Variants in ACER3 observed in about 807,000 individuals in gnomAD.
ACER3 encodes alkaline ceramidase 3, also known as alkCDase 3.
ACER3 carries 16 observed loss-of-function variants against 48.9 expected under a neutral mutation model. The observed-to-expected ratio is 0.33, with a 90% CI of 0.22 to 0.50. The LOEUF is 0.50. ACER3 is among the 20% of genes least tolerant of loss of function. The pLI is 0.98. For missense variants in ACER3, 227 were observed against 326.0 expected, an observed-to-expected ratio of 0.70 and a Z score of 2.34; for synonymous variants, 109 against 107.8, an observed-to-expected ratio of 1.01 and a Z score of -0.07.
chr11:76,930,522 T>G (rs551200859), intron 2 of ACER3, among the ~76,000 whole-genome samples: 15 of 152,224 alleles, frequency 9.9e-5, no homozygotes, highest in South Asian at 8.3e-4. Flanking sequence ...TGAATGTGTT[T>G]GCTCTTGCTT....
intron 3 of ACER3, among the ~76,000 whole-genome samples, chr11:76,974,803 G>A (rs1394136484): frequency 6.6e-6 from 1 of 152,006 alleles, no homozygotes; most frequent in Non-Finnish European, 1.5e-5. Context: ...TTTATGGTAT[G>A]TAAGTTATAG....
intron 3 of ACER3, among the ~76,000 whole-genome samples, chr11:76,959,797 G>A (rs980582808): frequency 2.6e-5 from 4 of 151,642 alleles, no homozygotes; most frequent in South Asian, 2.1e-4. Flanking sequence ...CAGGTGATCC[G>A]CCTGCCTCAG....
chr11:76,904,568 G>A (rs1279352810), intron 1 of ACER3, among the ~76,000 whole-genome samples: 3 of 152,024 alleles, frequency 2.0e-5, no homozygotes, highest in Non-Finnish European at 2.9e-5. Context: ...ATATTCCCAG[G>A]ACCTCGTGAG....
chr11:76,925,682 C>T (rs1328171535), intron 1 of ACER3, among the ~76,000 whole-genome samples: 1 of 152,118 alleles, frequency 6.6e-6, no homozygotes, highest in East Asian at 1.9e-4. Flanking sequence ...TTCTCATGGT[C>T]AGTTTCCTTG....
intron 1 of ACER3, among the ~76,000 whole-genome samples, chr11:76,878,483 A>T (rs1052646409): frequency 1.3e-5 from 2 of 152,050 alleles, no homozygotes; most frequent in African/African-American, 4.8e-5. Context: ...TATTTTTGAG[A>T]AATGAGATTT....
intron 1 of ACER3, among the ~76,000 whole-genome samples, chr11:76,886,383 C>T (rs538668424): frequency 7.2e-5 from 11 of 152,192 alleles, no homozygotes; most frequent in Non-Finnish European, 1.5e-4. Context: ...ATTTTATTTG[C>T]AGTTGAAAGC....
chr11:77,005,155 A>G (rs888386293), intron 7 of ACER3, among the ~76,000 whole-genome samples: 1 of 150,650 alleles, frequency 6.6e-6, no homozygotes, highest in African/African-American at 2.4e-5. Context: ...CTCCTGCCTC[A>G]GCCTCCTGAG....
chr11:77,014,089 A>G (rs1949319969), intron 7 of ACER3, among the ~76,000 whole-genome samples: 1 of 152,206 alleles, frequency 6.6e-6, no homozygotes, highest in South Asian at 2.1e-4. Flanking sequence ...TACTGATCAG[A>G]TAGACAATTT....
At chr11:76,865,178 T>C (rs1170335163) in intron 1 of ACER3, among the ~76,000 whole-genome samples, 1 of 142,176 alleles carries the variant, frequency 7.0e-6, no homozygotes, top group African/African-American at 2.6e-5. Context: ...AGAGACAGGG[T>C]TTTGCCATGT....
intron 1 of ACER3, among the ~76,000 whole-genome samples, chr11:76,863,362 G>C (rs781007150): frequency 1.3e-5 from 2 of 152,184 alleles, no homozygotes; most frequent in Non-Finnish European, 2.9e-5. Context: ...GCTCAGAAGA[G>C]GAAACTCTGA....
intron 1 of ACER3, among the ~76,000 whole-genome samples, chr11:76,905,307 T>C (rs1305236969): frequency 1.3e-5 from 2 of 152,214 alleles, no homozygotes; most frequent in Admixed American, 6.5e-5. Context: ...AGTGAAACAA[T>C]ATCTATTGAC....
chr11:76,894,330 CA>C (rs1945878604), intron 1 of ACER3, among the ~76,000 whole-genome samples: 1 of 152,152 alleles, frequency 6.6e-6, no homozygotes, highest in Non-Finnish European at 1.5e-5. Context: ...TAGATAAATG[CA>C]GATACCATTG....
At chr11:76,997,379 C>T (rs546546577) in intron 6 of ACER3, among the ~76,000 whole-genome samples, 2 of 152,264 alleles carry the variant, frequency 1.3e-5, no homozygotes, top group South Asian at 2.1e-4. Flanking sequence ...ATTTATCTCT[C>T]CCTTTACTAG....
intron 2 of ACER3, among the ~76,000 whole-genome samples, chr11:76,927,932 T>G (rs1219803879): frequency 6.6e-6 from 1 of 152,224 alleles, no homozygotes; most frequent in East Asian, 1.9e-4. Context: ...CGTGTGCATG[T>G]GTCTTTATAG....
intron 2 of ACER3, among the ~76,000 whole-genome samples, chr11:76,952,191 A>G (rs1947690046): frequency 6.6e-6 from 1 of 151,836 alleles, no homozygotes; most frequent in South Asian, 2.1e-4. Flanking sequence ...AATTAGCCAG[A>G]TGATAAAAAT....
chr11:76,940,189 G>A (rs1056450759), intron 2 of ACER3, among the ~76,000 whole-genome samples: 1 of 151,508 alleles, frequency 6.6e-6, no homozygotes, highest in Non-Finnish European at 1.5e-5. Context: ...CACTATGTTG[G>A]CCTGGGTTGG....
chr11:77,011,838 AT>A (rs1481518814), intron 7 of ACER3, among the ~76,000 whole-genome samples: 1 of 152,188 alleles, frequency 6.6e-6, no homozygotes, highest in Non-Finnish European at 1.5e-5. Flanking sequence ...TGATATCAAG[AT>A]TTAGACTAAA....
chr11:77,010,957 T>C (rs1949251016), intron 7 of ACER3, among the ~76,000 whole-genome samples: 1 of 152,206 alleles, frequency 6.6e-6, no homozygotes, highest in Non-Finnish European at 1.5e-5. Context: ...CATTAAATAT[T>C]GCTCAAGAAC....
intron 3 of ACER3, among the ~76,000 whole-genome samples, chr11:76,970,786 T>C (rs1948277785): frequency 6.6e-6 from 1 of 152,156 alleles, no homozygotes. Context: ...AGTGGTTTTA[T>C]GTATGTTCAC....
Sources: allele counts gnomAD v4.1 joint callset (sites outside exome capture counted in the v4.1 genomes callset), GRCh38; gene constraint gnomAD v4.1.1; transcripts MANE v1.5; gene names NCBI Gene and HGNC (gene_info 2026-07-23, HGNC 2026-07-21).